Variants in PLPP7 observed in about 807,000 individuals in gnomAD.
PLPP7 encodes phospholipid phosphatase 7 (inactive), also known as inactive phospholipid phosphatase 7.
PLPP7 carries 11 observed loss-of-function variants against 16.9 expected under a neutral mutation model. That is an observed-to-expected ratio of 0.65 (90% confidence interval 0.41 to 1.08). The LOEUF is 1.08. Ranked by LOEUF, PLPP7 falls within the 50% of genes least tolerant of loss-of-function variation. The pLI is 0.00. For synonymous variants in PLPP7, 174 were observed against 175.1 expected, an observed-to-expected ratio of 0.99 and a Z score of 0.05; for missense variants, 358 against 397.1, an observed-to-expected ratio of 0.90 and a Z score of 0.84.
intron 1 of PLPP7, among the ~76,000 whole-genome samples, chr9:131,297,606 G>C (rs963597178): frequency 6.6e-6 from 1 of 152,014 alleles, no homozygotes; most frequent in Non-Finnish European, 1.5e-5. Context: ...GGCTGGTCTC[G>C]AACTCCTGAG....
intron 1 of PLPP7, among the ~76,000 whole-genome samples, chr9:131,294,956 T>A (rs1835719037): frequency 6.9e-6 from 1 of 145,886 alleles, no homozygotes; most frequent in African/African-American, 2.6e-5. Context: ...TAAAAGTATC[T>A]TTTTTTTTTC....
chr9:131,291,115 G>A, intron 1 of PLPP7: 2 of 1,366,518 alleles, frequency 1.5e-6, no homozygotes, highest in Non-Finnish European at 2.0e-6. Flanking sequence ...TTGCAGATTA[G>A]CACCGCCCTG....
Position 131,295,510 on chromosome 9 carries a change from TG to T in PLPP7, c.451+5063del, listed in dbSNP as rs1835726457. ...TGATAAGCTATACATCACACAAAAT[TG>T]ATCATTGTAGTCATTTGAAGTGTAC... is the stretch of plus-strand genomic sequence containing the variant. On this transcript the variant is annotated intron_variant, in intron 1 of 1. Transcript: ENST00000372264. The surrounding 1 kb of genome is among the most constrained non-coding windows in gnomAD (Gnocchi z 4.0). Among the ~76,000 whole-genome samples the T allele has an allele frequency of 6.6e-6, 1 of 152,192 alleles. No individual in the cohort carries two copies. The highest frequency in any genetic ancestry group is 2.4e-5 in the African/African-American group (1 of 41,456).
chr9:131,306,685 A>G (rs1835856760), intron 1 of PLPP7, among the ~76,000 whole-genome samples: 2 of 152,236 alleles, frequency 1.3e-5, no homozygotes, highest in South Asian at 2.1e-4. Flanking sequence ...AAAAGGCCAC[A>G]TGCTGTCTGA....
rs1295301731 is a variant in PLPP7, at chr9:131,300,097, G to A, written c.452-7826G>A. On this transcript the variant is annotated intron_variant, in intron 1 of 1. Coordinates refer to ENST00000372264, the MANE Select transcript of PLPP7 (RefSeq NM_032728.4). ...AGAATAGAAGTGTATTTGGCTCATG[G>A]TTCTGGAGGCTGGGAAGTCCAAGGC... 2.0e-5 allele frequency among the ~76,000 whole-genome samples: 3 copies of A among 152,338 alleles called. No homozygotes were observed. In the East Asian group the frequency reaches 5.8e-4, roughly 29 times the overall value.
chr9:131,303,294 T>C (rs1354024789), intron 1 of PLPP7, among the ~76,000 whole-genome samples: 6 of 146,104 alleles, frequency 4.1e-5, no homozygotes, highest in Admixed American at 1.4e-4. Flanking sequence ...ATCACACCAT[T>C]GCACTCCAGC....
intron 1 of PLPP7, among the ~76,000 whole-genome samples, chr9:131,306,416 C>T (rs1249884999): frequency 6.6e-6 from 1 of 151,886 alleles, no homozygotes; most frequent in Admixed American, 6.6e-5. Context: ...GCAGCGTGCG[C>T]CTGTAATCCC....
intron 1 of PLPP7, chr9:131,291,023 C>A: frequency 7.4e-7 from 1 of 1,349,568 alleles, no homozygotes; most frequent in Non-Finnish European, 9.9e-7. Context: ...TTCCCTGCTC[C>A]TTCCCAGGGG....
chr9:131,302,264 G>A (rs538360788), intron 1 of PLPP7, among the ~76,000 whole-genome samples: 7 of 152,234 alleles, frequency 4.6e-5, no homozygotes, highest in East Asian at 3.9e-4. Flanking sequence ...GCCTTCCCTC[G>A]CCAGGTGGAG....
In PLPP7 at chr9:131,289,846, C is replaced by G. The variant is rs1835641475; in HGVS notation, c.-152C>G. The G allele has an allele frequency of 5.5e-6, 3 of 541,604 alleles. No homozygotes were observed. The highest frequency in any genetic ancestry group is 5.7e-6 in the Non-Finnish European group (2 of 351,478). 33.5% of individuals were successfully genotyped at this position (541,604 alleles called of 1,614,324 possible). A position where few individuals can be genotyped will look rare whatever the true frequency, so the allele number is the denominator to read the frequency against. ...GCTGGGTGGCAGAGGAGATAAACAGCCATGTGCAACTCTCCACACTATATT... is the reference window on the plus strand; with the variant it reads ...GCTGGGTGGCAGAGGAGATAAACAGGCATGTGCAACTCTCCACACTATATT... On this transcript the variant is annotated 5_prime_UTR_variant, in exon 1 of 2. Transcript: ENST00000372264.
chr9:131,304,131 C>T (rs772155899), intron 1 of PLPP7, among the ~76,000 whole-genome samples: 14 of 152,136 alleles, frequency 9.2e-5, no homozygotes, highest in Non-Finnish European at 2.1e-4. Context: ...GGGTGTGAGC[C>T]CCAAGGGCCT....
At chr9:131,296,594 G>T (rs1008206353) in intron 1 of PLPP7, among the ~76,000 whole-genome samples, 3 of 152,150 alleles carry the variant, frequency 2.0e-5, no homozygotes, top group Non-Finnish European at 4.4e-5. Flanking sequence ...TGATTACAAG[G>T]CTAGATCAAG....
At chr9:131,305,548 C>G (rs542863510) in intron 1 of PLPP7, among the ~76,000 whole-genome samples, 1 of 151,562 alleles carries the variant, frequency 6.6e-6, no homozygotes, top group African/African-American at 2.4e-5. Flanking sequence ...AAAGAGACAC[C>G]ATCTCTGTCT....
chr9:131,293,817 C>T (rs956011054), intron 1 of PLPP7, among the ~76,000 whole-genome samples: 2 of 152,086 alleles, frequency 1.3e-5, no homozygotes, highest in Non-Finnish European at 2.9e-5. Context: ...TGGTGGGTGC[C>T]ATGCCACACG....
intron 1 of PLPP7, among the ~76,000 whole-genome samples, chr9:131,305,274 G>T (rs1018465874): frequency 2.0e-5 from 3 of 152,228 alleles, no homozygotes; most frequent in African/African-American, 7.2e-5. Context: ...TTGTGGCCGG[G>T]CACAGTGGCT....
At chr9:131,297,409 A>G (rs1352465669) in intron 1 of PLPP7, among the ~76,000 whole-genome samples, 3 of 143,690 alleles carry the variant, frequency 2.1e-5, no homozygotes, top group Non-Finnish European at 4.5e-5. Flanking sequence ...TTTTCTGAAG[A>G]GAGTCTTGCT....
At chr9:131,300,779 G>C (rs1835789833) in intron 1 of PLPP7, among the ~76,000 whole-genome samples, 1 of 151,668 alleles carries the variant, frequency 6.6e-6, no homozygotes, top group African/African-American at 2.4e-5. Flanking sequence ...GAGAGCTGGG[G>C]CATGTGGGGA....
At chr9:131,299,505 A>G (rs1835772898) in intron 1 of PLPP7, among the ~76,000 whole-genome samples, 2 of 152,048 alleles carry the variant, frequency 1.3e-5, no homozygotes, top group Admixed American at 1.3e-4. Flanking sequence ...TGGAGGAGGA[A>G]GAGAGGCCCT....
intron 1 of PLPP7, among the ~76,000 whole-genome samples, chr9:131,305,923 C>A (rs1032819522): frequency 1.3e-5 from 2 of 152,070 alleles, no homozygotes; most frequent in Non-Finnish European, 2.9e-5. Context: ...CCCACCGTGC[C>A]CAGCCAGAGA....
Sources: gnomAD v4.1 joint callset for allele counts (sites outside exome capture counted in the v4.1 genomes callset) on GRCh38, gnomAD v4.1.1 for gene constraint, Gnocchi (gnomAD v3.1) non-coding constraint, MANE v1.5 for transcripts, NCBI Gene and HGNC (gene_info 2026-07-23, HGNC 2026-07-21) for gene names.